Variants in CCAR1 observed in about 807,000 individuals in gnomAD.
The protein encoded by CCAR1 is cell division cycle and apoptosis regulator 1, also known as cell division cycle and apoptosis regulator protein 1.
In CCAR1, 78 loss-of-function variants were observed where a neutral mutation model predicts 163.8. That is an observed-to-expected ratio of 0.48 (90% CI 0.40 to 0.57). The LOEUF is 0.57. Among genes scored for constraint, CCAR1 ranks in the 20% least tolerant of loss-of-function variants. CCAR1 has a pLI of 0.00. For missense variants in CCAR1, 1,019 were observed against 1,365.2 expected (o/e 0.75, Z 4.00); for synonymous variants, 443 against 460.7 (o/e 0.96, Z 0.49).
At chr10:68,782,510 T>C (rs1455202012) in intron 19 of CCAR1, among the ~76,000 whole-genome samples, 2 of 152,170 alleles carry the variant, frequency 1.3e-5, no homozygotes, top group Non-Finnish European at 1.5e-5. Flanking sequence ...AAATTTTCAA[T>C]GGAGACAAAA....
Position 68,749,546 on chromosome 10 carries a change from C to T in CCAR1, c.979C>T (p.Arg327Cys), listed in dbSNP as rs1323404713. The T allele has an allele frequency of 3.7e-6, 6 of 1,613,310 alleles. No individual in the cohort carries two copies. Among genetic ancestry groups the T allele is most frequent in the East Asian group, 2.2e-5 (1 of 44,872 alleles). Residue 327 changes from arginine (R) to cysteine (C), a missense_variant, in exon 10 of 25, where the codon CGT (arginine) becomes TGT (cysteine). This residue lies in a region of CCAR1 where 644 missense variants were observed against 904.4 expected (regional missense o/e 0.71). Transcript: ENST00000265872. ...CAGTCGTGAGAGAGAGAGAGAAAGA[C>T]GTAGATCGAGAGAAAGATCACCTCA... ...DRSRERERER[R>C]RSRERSPQRK... is the part of the protein sequence containing the mutation.
At chr10:68,787,264 T>C (rs2133437159) in intron 21 of CCAR1, among the ~76,000 whole-genome samples, 1 of 152,202 alleles carries the variant, frequency 6.6e-6, no homozygotes, top group Middle Eastern at 3.4e-3. Flanking sequence ...GACTGGCTTT[T>C]TTTTTTTCAT....
intron 2 of CCAR1, among the ~76,000 whole-genome samples, chr10:68,723,093 T>C (rs1008192090): frequency 3.3e-4 from 50 of 151,762 alleles, no homozygotes; most frequent in East Asian, 1.7e-3. Flanking sequence ...GTTTTTTTTT[T>C]CCCCAAACAT....
At chr10:68,755,074 T>C in intron 12 of CCAR1, 1 of 619,340 alleles carries the variant, frequency 1.6e-6, no homozygotes, top group Non-Finnish European at 2.9e-6. Context: ...AGAATATTAG[T>C]GGTAATAGGA....
chr10:68,721,621 C>T, intron 1 of CCAR1: 1 of 444,004 alleles, frequency 2.3e-6, no homozygotes, highest in South Asian at 1.6e-5. Context: ...GACATCGTGG[C>T]GGCTCCCGGC....
intron 19 of CCAR1, among the ~76,000 whole-genome samples, chr10:68,782,713 G>A (rs777922095): frequency 2.6e-5 from 4 of 152,054 alleles, no homozygotes; most frequent in South Asian, 2.1e-4. Context: ...TAAACCTACC[G>A]TACCTGTGCC....
intron 15 of CCAR1, among the ~76,000 whole-genome samples, chr10:68,760,197 G>A (rs1392801505): frequency 1.3e-5 from 2 of 152,116 alleles, no homozygotes; most frequent in South Asian, 2.1e-4. Context: ...CTCTGTCGCC[G>A]CGGCTGGAGT....
chr10:68,783,788 TGCTCTGTC>T (rs1564553192), intron 19 of CCAR1, among the ~76,000 whole-genome samples: 1 of 151,996 alleles, frequency 6.6e-6, no homozygotes, highest in African/African-American at 2.4e-5. Flanking sequence ...GATGGAGTCT[TGCTCTGTC>T]GCCCAGGCTA....
intron 5 of CCAR1, 29 bp from the exon 6 acceptor site, chr10:68,742,342 ATTACC>A (rs769110001): frequency 2.6e-6 from 4 of 1,530,912 alleles, no homozygotes; most frequent in Non-Finnish European, 1.8e-6. Flanking sequence ...ATTTCAAATC[ATTACC>A]TTAATTTGAT....
At chr10:68,769,529 A>G (rs1007124595) in intron 17 of CCAR1, among the ~76,000 whole-genome samples, 1 of 152,072 alleles carries the variant, frequency 6.6e-6, no homozygotes, top group Non-Finnish European at 1.5e-5. Flanking sequence ...CTGAGGCAGG[A>G]GAATTGCTTG....
intron 19 of CCAR1, among the ~76,000 whole-genome samples, chr10:68,782,798 A>G (rs547778106): frequency 2.0e-5 from 3 of 152,220 alleles, no homozygotes; most frequent in Admixed American, 6.5e-5. Context: ...CTCCTTTATC[A>G]TGTAACCGAC....
intron 24 of CCAR1, among the ~76,000 whole-genome samples, chr10:68,790,650 T>G (rs1051585080): frequency 2.6e-5 from 4 of 151,980 alleles, no homozygotes; most frequent in African/African-American, 9.7e-5. Context: ...CACCTCAGCC[T>G]CCTGATGAGC....
intron 15 of CCAR1, among the ~76,000 whole-genome samples, chr10:68,759,858 G>GTAT (rs1299390267): frequency 1.3e-5 from 2 of 152,056 alleles, no homozygotes; most frequent in East Asian, 1.9e-4. Flanking sequence ...TTCTTAGGTG[G>GTAT]TATTATTATT....
At chr10:68,776,383 T>G (rs901313834) in intron 19 of CCAR1, among the ~76,000 whole-genome samples, 2 of 151,630 alleles carry the variant, frequency 1.3e-5, no homozygotes, top group African/African-American at 2.4e-5. Context: ...AGCCAACATA[T>G]TGAAAACCCC....
chr10:68,744,028 C>G (rs1463795099), intron 6 of CCAR1, among the ~76,000 whole-genome samples: 1 of 152,092 alleles, frequency 6.6e-6, no homozygotes, highest in Non-Finnish European at 1.5e-5. Flanking sequence ...GGATTACAGG[C>G]GTAAGCCACT....
chr10:68,731,591 GTTTTTTTTT>G (rs67032408), intron 2 of CCAR1, among the ~76,000 whole-genome samples: 8 of 75,624 alleles, frequency 1.1e-4, no homozygotes, highest in Non-Finnish European at 1.9e-4. Flanking sequence ...TCTTGTTTCT[GTTTTTTTTT>G]TTTTTTTTTT....
Position 68,756,435 on chromosome 10 carries a change from G to A in CCAR1, c.1788G>A (p.Gln596=). 6.2e-7 allele frequency: 1 copy of A among 1,613,734 alleles called. No homozygotes were observed. Among genetic ancestry groups the A allele is most frequent in the South Asian group, 1.1e-5 (1 of 91,044 alleles). ...CCCTCTCCCGAGGATACAAGCAGCAGCTGGTCGAGAAGCTTCAGGGTGAAC... is the reference window on the plus strand; with the variant it reads ...CCCTCTCCCGAGGATACAAGCAGCAACTGGTCGAGAAGCTTCAGGGTGAAC... ...WETLSRGYKQ[Q]LVEKLQGERK... Residue 596 remains glutamine, a synonymous_variant, in exon 14 of 25, where the codon CAG becomes CAA. Transcript: ENST00000265872. The surrounding 1 kb of genome is among the most constrained non-coding windows in gnomAD (Gnocchi z 5.1).
intron 12 of CCAR1, 22 bp downstream of exon 12, chr10:68,754,849 A>T: frequency 7.8e-7 from 1 of 1,281,738 alleles, no homozygotes; most frequent in Non-Finnish European, 1.1e-6. Context: ...CATTTGTTTT[A>T]ACTTTAGATG....
chr10:68,724,020 T>G (rs1199031427), intron 2 of CCAR1, among the ~76,000 whole-genome samples: 1 of 151,148 alleles, frequency 6.6e-6, no homozygotes. Flanking sequence ...TGGCTGGGCA[T>G]GGTGGTGCAT....
Sources: gnomAD v4.1 joint callset for allele counts (sites outside exome capture counted in the v4.1 genomes callset) on GRCh38, gnomAD v4.1.1 for gene constraint, gnomAD v4.1.1 regional missense constraint, Gnocchi (gnomAD v3.1) non-coding constraint, MANE v1.5 for transcripts, NCBI Gene and HGNC (gene_info 2026-07-23, HGNC 2026-07-21) for gene names.